The following NRXN3 variants were observed in gnomAD, a reference collection of about 807,000 sequenced individuals.
NRXN3 encodes the protein neurexin 3, also known as neurexin III.
Under a neutral mutation model 137.6 loss-of-function variants are expected in NRXN3, and 32 were observed. The observed-to-expected ratio is 0.23, with a 90% CI of 0.18 to 0.31. NRXN3 has a LOEUF of 0.31. NRXN3 is among the 10% of genes least tolerant of loss of function. The pLI is 1.00. For synonymous variants in NRXN3, 798 were observed against 784.5 expected, an observed-to-expected ratio of 1.02 and a Z score of -0.29; for missense variants, 1,574 against 2,062.5, an observed-to-expected ratio of 0.76 and a Z score of 4.59.
At position 78,563,341 on chromosome 14, in the gene NRXN3, A is replaced by T. The variant is rs147402216; in HGVS notation, c.758-81779A>T. ...GTTTATTGGGGGGCTATCTTTGGAG[A>T]CAAGCTACCTTGATGGATAGAGAAA... On this transcript the variant is annotated intron_variant, in intron 4 of 20. Transcript: ENST00000335750. Among the ~76,000 whole-genome samples, 21 of 152,324 alleles carry T rather than the reference A, an allele frequency of 1.4e-4. No individual in the cohort carries two copies. The East Asian group carries it at 2.9e-3, about 21-fold the overall frequency.
At chr14:79,518,646 T>C (rs2097023493) in intron 16 of NRXN3, among the ~76,000 whole-genome samples, 2 of 152,160 alleles carry the variant, frequency 1.3e-5, no homozygotes, top group South Asian at 4.1e-4. Flanking sequence ...CTCAGTCATA[T>C]CATCTAAACA....
chr14:78,645,257 A>G lies in NRXN3; in HGVS notation c.895A>G (p.Thr299Ala). ...GCAGCGTAACGGCCTCATCCTGCAC[A>G]CGGGCAAGTCGGCTGACTATGTCAA... ...TWQRNGLILH[T>A]GKSADYVNLA... The change falls in exon 5 of 21, where the codon ACG (threonine) becomes GCG (alanine). Residue 299 changes from threonine (T) to alanine (A), a missense_variant. Thr to Ala is a moderately conservative substitution (Grantham distance 58, BLOSUM62 0). Coordinates refer to ENST00000335750, the MANE Select transcript of NRXN3 (RefSeq NM_001330195.2). 6.3e-7 allele frequency: 1 copy of G among 1,598,876 alleles called. No homozygotes were observed. The highest frequency in any genetic ancestry group is 8.5e-7 in the Non-Finnish European group (1 of 1,179,806).
At chr14:79,681,485 G>A (rs2098670064) in intron 17 of NRXN3, among the ~76,000 whole-genome samples, 1 of 152,132 alleles carries the variant, frequency 6.6e-6, no homozygotes, top group Non-Finnish European at 1.5e-5. Flanking sequence ...AGATAGCCGA[G>A]TAGGTTCACA....
chr14:79,007,806 A>C (rs2099556479), intron 15 of NRXN3, among the ~76,000 whole-genome samples: 1 of 109,964 alleles, frequency 9.1e-6, no homozygotes, highest in Admixed American at 8.3e-5. Flanking sequence ...ACTCCATCTC[A>C]AAAAAAAAAA....
At chr14:79,492,884 T>C (rs1254207492) in intron 16 of NRXN3, among the ~76,000 whole-genome samples, 1 of 152,226 alleles carries the variant, frequency 6.6e-6, no homozygotes, top group Non-Finnish European at 1.5e-5. Context: ...CCTGTTTCCT[T>C]CCAGAAAGCA....
chr14:79,303,973 A>G (rs1345479586), intron 15 of NRXN3, among the ~76,000 whole-genome samples: 1 of 152,066 alleles, frequency 6.6e-6, no homozygotes, highest in Non-Finnish European at 1.5e-5. Flanking sequence ...CAACAATGGC[A>G]CCTTTTAACA....
At chr14:78,623,000 G>A (rs771203186) in intron 4 of NRXN3, among the ~76,000 whole-genome samples, 4 of 151,990 alleles carry the variant, frequency 2.6e-5, no homozygotes, top group East Asian at 1.9e-4. Context: ...ATGTCTCTTC[G>A]TCTCTACAAA....
At chr14:78,952,559 T>A (rs1287394962) in intron 10 of NRXN3, among the ~76,000 whole-genome samples, 1 of 152,176 alleles carries the variant, frequency 6.6e-6, no homozygotes, top group Non-Finnish European at 1.5e-5. Flanking sequence ...AAGGGGCTGG[T>A]GGAAGCAAAG....
chr14:79,219,638 A>G (rs2069171943), intron 15 of NRXN3, among the ~76,000 whole-genome samples: 1 of 152,210 alleles, frequency 6.6e-6, no homozygotes, highest in Non-Finnish European at 1.5e-5. Flanking sequence ...GATCTCTACA[A>G]AAGGATTCCA....
chr14:79,192,423 C>A (rs2064495750), intron 15 of NRXN3, among the ~76,000 whole-genome samples: 1 of 152,012 alleles, frequency 6.6e-6, no homozygotes, highest in Non-Finnish European at 1.5e-5. Flanking sequence ...TAATATGCAA[C>A]CTTGAATTAG....
At chr14:78,222,468 CT>C (rs765538964) in intron 1 of NRXN3, among the ~76,000 whole-genome samples, 5 of 152,310 alleles carry the variant, frequency 3.3e-5, no homozygotes, top group Non-Finnish European at 7.4e-5. Flanking sequence ...GCTTTGGGTG[CT>C]TCTCCCTTCC....
chr14:78,174,594 T>G (rs2059082821), intron 1 of NRXN3, among the ~76,000 whole-genome samples: 2 of 152,166 alleles, frequency 1.3e-5, no homozygotes, highest in African/African-American at 4.8e-5. Flanking sequence ...GTGCGTGTGG[T>G]TCAAGCAGGA....
intron 4 of NRXN3, among the ~76,000 whole-genome samples, chr14:78,512,054 A>T (rs571539494): frequency 6.6e-6 from 1 of 152,262 alleles, no homozygotes; most frequent in Admixed American, 6.5e-5. Context: ...AATATCCCAA[A>T]TTTTTTAAAT....
intron 10 of NRXN3, among the ~76,000 whole-genome samples, chr14:78,897,574 G>T (rs1473504968): frequency 2.0e-5 from 3 of 151,872 alleles, no homozygotes; most frequent in African/African-American, 7.2e-5. Context: ...CACTGGGAGT[G>T]ACAGGATCTT....
chr14:78,942,264 A>G (rs937918766), intron 10 of NRXN3, among the ~76,000 whole-genome samples: 3 of 152,150 alleles, frequency 2.0e-5, no homozygotes, highest in African/African-American at 4.8e-5. Context: ...CCAACCTTCT[A>G]AAGTCCTGTT....
At chr14:78,893,181 T>C (rs1176943236) in intron 10 of NRXN3, among the ~76,000 whole-genome samples, 1 of 151,960 alleles carries the variant, frequency 6.6e-6, no homozygotes, top group Non-Finnish European at 1.5e-5. Flanking sequence ...ATCCACACCC[T>C]GCGCAAGCTC....
At chr14:79,050,388 C>T (rs2099640130) in intron 15 of NRXN3, among the ~76,000 whole-genome samples, 1 of 152,216 alleles carries the variant, frequency 6.6e-6, no homozygotes, top group East Asian at 1.9e-4. Flanking sequence ...AGTGCAAACA[C>T]TTGAACCACC....
At chr14:79,587,495 A>C (rs1414525973) in intron 16 of NRXN3, among the ~76,000 whole-genome samples, 1 of 152,228 alleles carries the variant, frequency 6.6e-6, no homozygotes. Context: ...GCAATGTGTT[A>C]AAGTTAGATG....
intron 12 of NRXN3, 24 bp from the exon 13 acceptor site, chr14:78,967,184 G>GTTTTTTTTTTTTTTTTTT (rs10603296): frequency 1.4e-6 from 2 of 1,421,224 alleles, no homozygotes; most frequent in Non-Finnish European, 9.6e-7. Flanking sequence ...TCCAATTATT[G>GTTTTTTTTTTTTTTTTTT]TTTTTTTTTT....
Sources: allele counts gnomAD v4.1 joint callset (sites outside exome capture counted in the v4.1 genomes callset), GRCh38; gene constraint gnomAD v4.1.1; transcripts MANE v1.5; gene names NCBI Gene and HGNC (gene_info 2026-07-23, HGNC 2026-07-21).